The following TBL1XR1 variants were observed in gnomAD, a reference collection of about 807,000 sequenced individuals.
The protein encoded by TBL1XR1 is TBL1X/Y related 1.
In TBL1XR1, 5 loss-of-function variants were observed where a neutral mutation model predicts 66.9. That is an observed-to-expected ratio of 0.07 (90% CI 0.04 to 0.16). The LOEUF (loss-of-function observed/expected upper bound fraction) is 0.16. Ranked by LOEUF, TBL1XR1 falls within the 10% of genes least tolerant of loss-of-function variation. TBL1XR1 has a pLI of 1.00. For missense variants in TBL1XR1, 238 were observed against 623.2 expected (o/e 0.38, Z 6.58); for synonymous variants, 210 against 206.0 (o/e 1.02, Z -0.17).
rs541836345 is a variant in TBL1XR1 at position 177,074,912 on chromosome 3, G to A, written c.-45-9890C>T. Among the ~76,000 whole-genome samples, 48 of 152,136 alleles carry A rather than the reference G, an allele frequency of 3.2e-4. 1 individual carries two copies. Among genetic ancestry groups the A allele is most frequent in the African/African-American group, 1.0e-3 (43 of 41,488 alleles). On this transcript the variant is annotated intron_variant, in intron 2 of 15. Transcript: ENST00000457928. ...TGAAGGTGAACACCATGCACAACAC[G>A]GTTTAGGAATTTGTGGTTTATCCAT...
chr3:177,149,335 C>G (rs1238470119), intron 1 of TBL1XR1, among the ~76,000 whole-genome samples: 1 of 152,184 alleles, frequency 6.6e-6, no homozygotes, highest in African/African-American at 2.4e-5. Flanking sequence ...AAATCTATAT[C>G]TCTAGCACTC....
chr3:177,062,859 G>A (rs1366110070), intron 3 of TBL1XR1, among the ~76,000 whole-genome samples: 1 of 151,950 alleles, frequency 6.6e-6, no homozygotes, highest in Non-Finnish European at 1.5e-5. Context: ...GAAGACTTTT[G>A]GGCCGGGTGT....
intron 12 of TBL1XR1, chr3:177,037,855 CAT>C (rs1489822092): frequency 1.7e-5 from 7 of 422,654 alleles, no homozygotes; most frequent in African/African-American, 4.1e-5. Context: ...AATAGGGTAT[CAT>C]ATGTCTCATT....
At chr3:177,120,101 A>T (rs1309379588) in intron 1 of TBL1XR1, among the ~76,000 whole-genome samples, 1 of 152,200 alleles carries the variant, frequency 6.6e-6, no homozygotes, top group African/African-American at 2.4e-5. Context: ...CTACTTCTGG[A>T]GCACAGAATT....
chr3:177,166,847 C>T (rs1422295956), intron 1 of TBL1XR1, among the ~76,000 whole-genome samples: 1 of 152,186 alleles, frequency 6.6e-6, no homozygotes, highest in Non-Finnish European at 1.5e-5. Context: ...ACTGAAAACA[C>T]CAAATGCTGG....
At chr3:177,179,046 G>A (rs528986738) in intron 1 of TBL1XR1, among the ~76,000 whole-genome samples, 128 of 151,378 alleles carry the variant, frequency 8.5e-4, no homozygotes, top group African/African-American at 2.9e-3. Flanking sequence ...GAAGCCGGGA[G>A]GTGGCAATTG....
chr3:177,164,374 G>C (rs2108900608), intron 1 of TBL1XR1, among the ~76,000 whole-genome samples: 1 of 147,538 alleles, frequency 6.8e-6, no homozygotes, highest in Non-Finnish European at 1.5e-5. Flanking sequence ...TTTGAAATGT[G>C]GAGTCTTGCC....
At chr3:177,039,780 G>C in intron 10 of TBL1XR1, among the ~76,000 whole-genome samples, 1 of 152,270 alleles carries the variant, frequency 6.6e-6, no homozygotes, top group East Asian at 1.9e-4. Flanking sequence ...TGGGGGAGGA[G>C]GGGATCAAAG....
intron 1 of TBL1XR1, among the ~76,000 whole-genome samples, chr3:177,152,069 G>C (rs1439740162): frequency 6.6e-6 from 1 of 152,142 alleles, no homozygotes; most frequent in East Asian, 1.9e-4. Context: ...GTTCCAAGTT[G>C]ATTCAAATGG....
chr3:177,097,606 G>C (rs1020023081), intron 2 of TBL1XR1, among the ~76,000 whole-genome samples: 4 of 151,986 alleles, frequency 2.6e-5, no homozygotes, highest in African/African-American at 4.8e-5. Context: ...ACAGTGAAAG[G>C]CTTCTTAAAA....
chr3:177,070,472 T>G (rs2108562124), intron 2 of TBL1XR1, among the ~76,000 whole-genome samples: 1 of 152,278 alleles, frequency 6.6e-6, no homozygotes, highest in African/African-American at 2.4e-5. Context: ...TGGTACATAT[T>G]TTCAATAACT....
At chr3:177,093,791 T>TC (rs1218263112) in intron 2 of TBL1XR1, among the ~76,000 whole-genome samples, 1 of 152,144 alleles carries the variant, frequency 6.6e-6, no homozygotes, top group Admixed American at 6.5e-5. Context: ...GGAAACTGTA[T>TC]CCTCATCTCT....
At chr3:177,037,317 G>A (rs533339290) in intron 12 of TBL1XR1, 87 of 152,290 alleles carry the variant, frequency 5.7e-4, no homozygotes, top group African/African-American at 1.8e-3. Context: ...TTCTAATGGT[G>A]AAGACAATTT....
At chr3:177,065,091 A>T (rs1368723366) in intron 2 of TBL1XR1, 69 bp from the exon 3 acceptor site, 16 of 1,020,110 alleles carry the variant, frequency 1.6e-5, no homozygotes, top group Non-Finnish European at 1.7e-5. Flanking sequence ...ACAATGTTGT[A>T]AAAACCATTT....
intron 1 of TBL1XR1, among the ~76,000 whole-genome samples, chr3:177,127,265 C>T (rs1391887239): frequency 2.6e-5 from 4 of 152,126 alleles, no homozygotes; most frequent in East Asian, 3.8e-4. Flanking sequence ...GTATCTCTAA[C>T]ATCATATAAA....
intron 2 of TBL1XR1, among the ~76,000 whole-genome samples, chr3:177,065,255 AT>A (rs1286766796): frequency 6.6e-6 from 1 of 152,198 alleles, no homozygotes; most frequent in African/African-American, 2.4e-5. Context: ...ATAAAACAAA[AT>A]TTTTTAGAGG....
intron 2 of TBL1XR1, among the ~76,000 whole-genome samples, chr3:177,090,705 G>C (rs1722719249): frequency 6.6e-6 from 1 of 152,158 alleles, no homozygotes; most frequent in Non-Finnish European, 1.5e-5. Flanking sequence ...CAGTTGCCCA[G>C]GAGGCCAAGG....
At chr3:177,127,255 G>T (rs896877010) in intron 1 of TBL1XR1, among the ~76,000 whole-genome samples, 1 of 152,028 alleles carries the variant, frequency 6.6e-6, no homozygotes, top group Non-Finnish European at 1.5e-5. Flanking sequence ...TTCTTTTATG[G>T]TATCTCTAAC....
intron 2 of TBL1XR1, among the ~76,000 whole-genome samples, chr3:177,084,032 G>A (rs1357404608): frequency 5.5e-5 from 8 of 146,386 alleles, no homozygotes; most frequent in Non-Finnish European, 1.0e-4. Flanking sequence ...AGGCTGCAGT[G>A]AGCCCAGATT....
Sources: allele counts gnomAD v4.1 joint callset (sites outside exome capture counted in the v4.1 genomes callset), GRCh38; gene constraint gnomAD v4.1.1; transcripts MANE v1.5; gene names NCBI Gene and HGNC (gene_info 2026-07-23, HGNC 2026-07-21).